Variants in ETV6 observed in about 807,000 individuals in gnomAD.
The protein encoded by ETV6 is ETS variant transcription factor 6.
ETV6 carries 16 observed loss-of-function variants against 51.1 expected under a neutral mutation model. The ratio of observed to expected loss-of-function variants is 0.31; its 90% CI spans 0.21 to 0.48. The LOEUF (loss-of-function observed/expected upper bound fraction) is 0.48. Among genes scored for constraint, ETV6 ranks in the 20% least tolerant of loss-of-function variants. ETV6 has a pLI of 0.99. For synonymous variants in ETV6, 240 were observed against 224.1 expected (o/e 1.07, Z -0.64); for missense variants, 458 against 594.8 (o/e 0.77, Z 2.39).
intron 1 of ETV6, among the ~76,000 whole-genome samples, chr12:11,667,811 C>T (rs1022261627): frequency 1.3e-5 from 2 of 148,974 alleles, no homozygotes; most frequent in African/African-American, 4.9e-5. Flanking sequence ...CAAGCAGTTC[C>T]TTGCCTCGGC....
intron 2 of ETV6, among the ~76,000 whole-genome samples, chr12:11,772,855 T>C (rs1184997414): frequency 1.3e-5 from 2 of 152,200 alleles, no homozygotes; most frequent in East Asian, 1.9e-4. Context: ...ACCATAAAGC[T>C]GTTTCTAAGA....
rs201947363 is a variant in ETV6 at position 11,839,354 on chromosome 12, T to C, written c.328+50T>C. ...TGCCCAACTTGGAAAGTCTCTTAGT[T>C]AGTGGTTGGTCTTTAACACCCCTCA... is the stretch of plus-strand genomic sequence containing the variant. On this transcript the variant is annotated intron_variant, in intron 3 of 7. Transcript: ENST00000396373. The C allele has an allele frequency of 4.3e-5, 67 of 1,567,412 alleles. No individual in the cohort carries two copies. The East Asian group carries it at 1.4e-3, about 34-fold the overall frequency.
At chr12:11,656,963 A>G (rs1036600870) in intron 1 of ETV6, among the ~76,000 whole-genome samples, 9 of 151,896 alleles carry the variant, frequency 5.9e-5, no homozygotes, top group African/African-American at 9.7e-5. Context: ...ATTTTCCCCT[A>G]TAACAAAAGG....
chr12:11,769,924 T>G (rs1169479617), intron 2 of ETV6, among the ~76,000 whole-genome samples: 1 of 152,120 alleles, frequency 6.6e-6, no homozygotes, highest in Non-Finnish European at 1.5e-5. Context: ...ACCTGTGCCC[T>G]TGGGCAGGTG....
intron 2 of ETV6, among the ~76,000 whole-genome samples, chr12:11,788,756 G>GTTTTTTT (rs1336998892): frequency 9.8e-6 from 1 of 102,450 alleles, no homozygotes; most frequent in Non-Finnish European, 2.2e-5. Flanking sequence ...GCTTGTATTG[G>GTTTTTTT]TTTTTTTTTT....
intron 1 of ETV6, among the ~76,000 whole-genome samples, chr12:11,728,569 G>A (rs766212676): frequency 2.9e-4 from 44 of 152,118 alleles, no homozygotes; most frequent in Non-Finnish European, 5.1e-4. Context: ...CCCCCAGTCC[G>A]TGGAAAAATG....
At chr12:11,865,594 A>G (rs969956713) in intron 4 of ETV6, among the ~76,000 whole-genome samples, 4 of 148,452 alleles carry the variant, frequency 2.7e-5, no homozygotes, top group Non-Finnish European at 1.5e-5. Context: ...AATATATTAT[A>G]TATATTAGCG....
rs1946523332 is a variant in ETV6, at chr12:11,849,907, G to A, written c.329-3520G>A. Among the ~76,000 whole-genome samples, 4 of 152,282 alleles carry A rather than the reference G, an allele frequency of 2.6e-5. No homozygotes were observed. The South Asian group carries it at 8.3e-4, about 32-fold the overall frequency. Reference sequence around the variant, plus strand: ...TGCTCACAGTGCACGCACAGCAAGTGGTCCCCGTCCGCATGGTGGTGATGT... The same window carrying A: ...TGCTCACAGTGCACGCACAGCAAGTAGTCCCCGTCCGCATGGTGGTGATGT... On this transcript the variant is annotated intron_variant, in intron 3 of 7. Coordinates refer to ENST00000396373, the MANE Select transcript of ETV6 (RefSeq NM_001987.5).
chr12:11,752,810 A>T, intron 2 of ETV6: 1 of 398,918 alleles, frequency 2.5e-6, no homozygotes, highest in East Asian at 3.8e-5. Flanking sequence ...TGACATGTTA[A>T]AAAAAAAAGA....
At position 11,649,883 on chromosome 12, in the gene ETV6, C is replaced by T. The variant is rs1863855438; in HGVS notation, c.-245C>T. The T allele has an allele frequency of 6.6e-6, 1 of 151,466 alleles. No homozygotes were observed. The highest frequency in any genetic ancestry group is 2.4e-5 in the African/African-American group (1 of 40,912). 9.4% of individuals were successfully genotyped at this position (151,466 alleles called of 1,614,324 possible). A position where few individuals can be genotyped will look rare whatever the true frequency, so the allele number is the denominator to read the frequency against. ...CCCGGGTCCCCGCGCCGCGCCGCGA[C>T]CTGCAGACCCCGCCGCCGCGCTCGG... On this transcript the variant is annotated 5_prime_UTR_variant, in exon 1 of 8. Coordinates refer to ENST00000396373, the MANE Select transcript of ETV6 (RefSeq NM_001987.5).
intron 2 of ETV6, among the ~76,000 whole-genome samples, chr12:11,804,795 G>A (rs2136408813): frequency 6.6e-6 from 1 of 152,266 alleles, no homozygotes; most frequent in Middle Eastern, 3.4e-3. Flanking sequence ...CACAGCTGGG[G>A]TATGATGCCA....
chr12:11,837,393 A>C (rs932874003), intron 2 of ETV6, among the ~76,000 whole-genome samples: 2 of 152,160 alleles, frequency 1.3e-5, no homozygotes, highest in Non-Finnish European at 2.9e-5. Flanking sequence ...GCACTACAAA[A>C]AAGGAATTTT....
intron 2 of ETV6, among the ~76,000 whole-genome samples, chr12:11,833,615 C>G (rs1404894362): frequency 6.6e-6 from 1 of 152,234 alleles, no homozygotes; most frequent in Non-Finnish European, 1.5e-5. Context: ...GGCTGAGTGA[C>G]TTTGGGCAAG....
chr12:11,800,057 C>CA (rs978343445), intron 2 of ETV6, among the ~76,000 whole-genome samples: 4 of 152,078 alleles, frequency 2.6e-5, no homozygotes, highest in East Asian at 1.9e-4. Flanking sequence ...ATTTGAGTTT[C>CA]AAAAATCTAA....
intron 2 of ETV6, among the ~76,000 whole-genome samples, chr12:11,766,535 C>T (rs909299998): frequency 6.6e-6 from 1 of 152,202 alleles, no homozygotes; most frequent in African/African-American, 2.4e-5. Context: ...CTTCCTCCCA[C>T]CCCCGCCATT....
intron 1 of ETV6, among the ~76,000 whole-genome samples, chr12:11,703,906 A>G (rs1865028179): frequency 6.6e-6 from 1 of 152,236 alleles, no homozygotes; most frequent in African/African-American, 2.4e-5. Flanking sequence ...CCACCCTTGG[A>G]GTGTAAGAGT....
Position 11,893,794 on chromosome 12 carries a change from T to TTATATATATATATATATATA in ETV6, c.*2777_*2796dup, listed in dbSNP as rs57308697. The TTATATATATATATATATATA allele has an allele frequency of 7.6e-5, 6 of 78,902 alleles. No homozygotes were observed. Among genetic ancestry groups the TTATATATATATATATATATA allele is most frequent in the Non-Finnish European group, 1.2e-4 (5 of 42,356 alleles). The allele number at this position is 78,902 out of a possible 1,614,324, so 4.9% of individuals were successfully genotyped here. A position where few individuals can be genotyped will look rare whatever the true frequency, so the allele number is the denominator to read the frequency against. ...GTGTCCATCCCCAAGATCTCTCATT[T>TTATATATATATATATATATA]TATATATATATATATATATATATAT... On this transcript the variant is annotated 3_prime_UTR_variant, in exon 8 of 8. Coordinates refer to ENST00000396373, the MANE Select transcript of ETV6 (RefSeq NM_001987.5).
chr12:11,792,165 C>T (rs1945608377), intron 2 of ETV6, among the ~76,000 whole-genome samples: 2 of 152,240 alleles, frequency 1.3e-5, no homozygotes, highest in Non-Finnish European at 2.9e-5. Flanking sequence ...TCCTTCTGTA[C>T]AGAACACTTA....
chr12:11,865,250 C>CAAA (rs11395687), intron 4 of ETV6, among the ~76,000 whole-genome samples: 5 of 82,856 alleles, frequency 6.0e-5, no homozygotes, highest in Admixed American at 1.3e-4. Context: ...GACTCCGTCT[C>CAAA]AAAAAAAAAA....
Sources: gnomAD v4.1 joint callset for allele counts (sites outside exome capture counted in the v4.1 genomes callset) on GRCh38, gnomAD v4.1.1 for gene constraint, MANE v1.5 for transcripts, NCBI Gene and HGNC (gene_info 2026-07-23, HGNC 2026-07-21) for gene names.